The following NRXN1 variants were observed in gnomAD, a reference collection of about 807,000 sequenced individuals.
NRXN1 encodes neurexin-1.
A neutral mutation model predicts 150.9 loss-of-function variants in NRXN1; 39 were observed. The observed-to-expected ratio is 0.26, with a 90% confidence interval of 0.20 to 0.34. The LOEUF (loss-of-function observed/expected upper bound fraction) is 0.34, where lower values mean the gene tolerates loss of function less well. Ranked by LOEUF, NRXN1 falls within the 10% of genes least tolerant of loss-of-function variation. The probability of loss-of-function intolerance (pLI) is 1.00; values close to 1 mark genes in which losing one functional copy is unlikely to be tolerated. For missense variants in NRXN1, 1,815 were observed against 1,949.9 expected (o/e 0.93, Z 1.30); for synonymous variants, 924 against 757.0 (o/e 1.22, Z -3.62).
chr2:50,530,136 T>C (rs1042452815), intron 11 of NRXN1, among the ~76,000 whole-genome samples: 2 of 152,136 alleles, frequency 1.3e-5, no homozygotes, highest in Non-Finnish European at 2.9e-5. Context: ...AAAAATACAG[T>C]AAAACCTCAT....
At chr2:50,354,554 C>CATATATATATATATATATATATATATAT in intron 17 of NRXN1, among the ~76,000 whole-genome samples, 1 of 100,116 alleles carries the variant, frequency 1.0e-5, no homozygotes, top group East Asian at 2.8e-4. Flanking sequence ...AGAGTGCATA[C>CATATATATATATATATATATATATATAT]ATATATATAT....
chr2:51,007,058 T>A (rs1667125051), intron 2 of NRXN1, among the ~76,000 whole-genome samples: 1 of 151,982 alleles, frequency 6.6e-6, no homozygotes, highest in Non-Finnish European at 1.5e-5. Context: ...CTTTACGTAT[T>A]ACTTAAAAGT....
chr2:50,341,307 C>A (rs541381164), intron 17 of NRXN1, among the ~76,000 whole-genome samples: 1 of 151,892 alleles, frequency 6.6e-6, no homozygotes, highest in Non-Finnish European at 1.5e-5. Context: ...GAGTTAATAA[C>A]TGGCTGAACT....
chr2:50,325,624 C>A (rs1187670072), intron 17 of NRXN1, among the ~76,000 whole-genome samples: 1 of 152,142 alleles, frequency 6.6e-6, no homozygotes, highest in Non-Finnish European at 1.5e-5. Context: ...ATTCTCATGG[C>A]CAATTTTAAT....
chr2:50,683,646 A>AAAAAATATAT, intron 5 of NRXN1, among the ~76,000 whole-genome samples: 1 of 14,906 alleles, frequency 6.7e-5, no homozygotes, highest in African/African-American at 3.6e-4. Flanking sequence ...AAAAAAAAAA[A>AAAAAATATAT]ATATATATAT....
At chr2:50,903,025 GA>G (rs1683166343) in intron 5 of NRXN1, among the ~76,000 whole-genome samples, 2 of 152,208 alleles carry the variant, frequency 1.3e-5, no homozygotes, top group Middle Eastern at 3.4e-3. Context: ...AAGCTGCTGA[GA>G]AAAGTAGAAA....
chr2:50,407,279 T>C lies in NRXN1; in HGVS notation c.3364+58163A>G, dbSNP rs147116540. On this transcript the variant is annotated intron_variant, in intron 17 of 22. Coordinates refer to ENST00000401669, the MANE Select transcript of NRXN1 (RefSeq NM_001330078.2). ...CCTTGCCCCAAGATGCTTTTAAAGG[T>C]TTTATAAACTACCCTTCTTTGGACA... Among the ~76,000 whole-genome samples, 22 of 152,226 alleles carry C rather than the reference T, an allele frequency of 1.4e-4. No homozygotes were observed. The East Asian group carries it at 4.2e-3, about 29-fold the overall frequency.
At chr2:50,379,423 A>G (rs1332118856) in intron 17 of NRXN1, among the ~76,000 whole-genome samples, 1 of 152,102 alleles carries the variant, frequency 6.6e-6, no homozygotes, top group Non-Finnish European at 1.5e-5. Context: ...ATTGTGTACA[A>G]CTCCACAGTC....
intron 1 of NRXN1, among the ~76,000 whole-genome samples, chr2:51,029,628 T>A (rs944238394): frequency 1.3e-5 from 2 of 152,246 alleles, no homozygotes; most frequent in African/African-American, 4.8e-5. Context: ...CAAATTAGAT[T>A]AAACTGTTGG....
chr2:50,107,000 G>A (rs761276883), intron 18 of NRXN1, among the ~76,000 whole-genome samples: 39 of 151,882 alleles, frequency 2.6e-4, no homozygotes, highest in Non-Finnish European at 5.2e-4. Context: ...TACGGTTAAT[G>A]CATACAGTAT....
intron 18 of NRXN1, among the ~76,000 whole-genome samples, chr2:50,157,211 T>C (rs1466024487): frequency 2.0e-5 from 3 of 151,912 alleles, no homozygotes; most frequent in South Asian, 2.1e-4. Context: ...CATTTAACAG[T>C]GGAGGTAAGA....
At chr2:50,089,556 G>T (rs1427649090) in intron 19 of NRXN1, among the ~76,000 whole-genome samples, 1 of 152,164 alleles carries the variant, frequency 6.6e-6, no homozygotes, top group African/African-American at 2.4e-5. Flanking sequence ...GGAGGCCGAG[G>T]CAGGAAGATC....
At chr2:50,368,377 G>C (rs930823809) in intron 17 of NRXN1, among the ~76,000 whole-genome samples, 4 of 151,932 alleles carry the variant, frequency 2.6e-5, no homozygotes, top group African/African-American at 9.7e-5. Context: ...CACAGTATGA[G>C]GAAGACCTAA....
intron 5 of NRXN1, among the ~76,000 whole-genome samples, chr2:50,673,343 A>G (rs1689117863): frequency 6.6e-6 from 1 of 152,136 alleles, no homozygotes; most frequent in African/African-American, 2.4e-5. Flanking sequence ...CTTATTTGCT[A>G]AATTATATAT....
intron 5 of NRXN1, among the ~76,000 whole-genome samples, chr2:50,879,363 T>C (rs1679089539): frequency 1.3e-5 from 2 of 151,966 alleles, no homozygotes; most frequent in Non-Finnish European, 2.9e-5. Context: ...GATTGCTTAT[T>C]TGCAGTTATT....
At chr2:50,101,679 T>G (rs976407587) in intron 18 of NRXN1, among the ~76,000 whole-genome samples, 11 of 152,014 alleles carry the variant, frequency 7.2e-5, no homozygotes, top group African/African-American at 2.4e-4. Context: ...ATTAATGTAA[T>G]TATTTTCAGT....
At chr2:50,605,705 G>C (rs1676988651) in intron 8 of NRXN1, among the ~76,000 whole-genome samples, 1 of 152,054 alleles carries the variant, frequency 6.6e-6, no homozygotes, top group Non-Finnish European at 1.5e-5. Flanking sequence ...CATGCAAAAT[G>C]GTGCAGCTGC....
At chr2:50,498,201 A>G (rs913687068) in intron 13 of NRXN1, among the ~76,000 whole-genome samples, 1 of 152,174 alleles carries the variant, frequency 6.6e-6, no homozygotes, top group African/African-American at 2.4e-5. Context: ...ATATTTTCCT[A>G]TACCCAGTAG....
chr2:50,882,327 C>T (rs761304364), intron 5 of NRXN1, among the ~76,000 whole-genome samples: 2 of 151,936 alleles, frequency 1.3e-5, no homozygotes, highest in South Asian at 4.1e-4. Context: ...TGGTTTAATT[C>T]AAAAAGTATA....
Sources: allele counts gnomAD v4.1 joint callset (sites outside exome capture counted in the v4.1 genomes callset), GRCh38; gene constraint gnomAD v4.1.1; transcripts MANE v1.5; gene names NCBI Gene and HGNC (gene_info 2026-07-23, HGNC 2026-07-21).